Variants in AGO1 observed in about 807,000 individuals in gnomAD.
The protein encoded by AGO1 is protein argonaute-1.
Under a neutral mutation model 109.2 loss-of-function variants are expected in AGO1, and 11 were observed. The observed-to-expected ratio is 0.10, with a 90% CI of 0.06 to 0.17. AGO1 has a LOEUF of 0.17. AGO1 is among the 10% of genes least tolerant of loss of function. The pLI is 1.00. For missense variants in AGO1, 574 were observed against 1,140.3 expected (o/e 0.50, Z 7.15); for synonymous variants, 422 against 418.6 (o/e 1.01, Z -0.10).
At chr1:35,907,422 C>G (rs1194333550) in intron 12 of AGO1, among the ~76,000 whole-genome samples, 3 of 151,932 alleles carry the variant, frequency 2.0e-5, no homozygotes, top group African/African-American at 7.3e-5. Context: ...CTTAGGAGTG[C>G]GTTCCTGTCC....
rs1645900937 is a variant in AGO1 at position 35,924,999 on chromosome 1, A to G, written c.*5392A>G. The stretch of plus-strand genomic sequence containing the variant: ...TTAGAAAAAGAGAAGAGAAACTAGT[A>G]TACAGCCCCCTAAGAAACTCAATTT... On this transcript the variant is annotated 3_prime_UTR_variant, in exon 19 of 19. Coordinates refer to ENST00000373204, the MANE Select transcript of AGO1 (RefSeq NM_012199.5). 1 of 152,132 alleles carries G rather than the reference A, an allele frequency of 6.6e-6. No homozygotes were observed. Among genetic ancestry groups the G allele is most frequent in the Admixed American group, 6.5e-5 (1 of 15,282 alleles). 9.4% of individuals were successfully genotyped at this position (152,132 alleles called of 1,614,324 possible).
intron 11 of AGO1, among the ~76,000 whole-genome samples, 188 bp downstream of exon 11, chr1:35,902,525 G>A (rs1365520744): frequency 1.3e-5 from 2 of 152,116 alleles, no homozygotes; most frequent in African/African-American, 4.8e-5. Flanking sequence ...AAGTTAATAA[G>A]GAGCCATATC....
In AGO1 at chr1:35,901,843, C is replaced by T. The variant is rs1030380231; in HGVS notation, c.1141-105C>T. On this transcript the variant is annotated intron_variant, in intron 9 of 18. Coordinates refer to ENST00000373204, the MANE Select transcript of AGO1 (RefSeq NM_012199.5). This position sits in a 1 kb window ranked among gnomAD's most constrained non-coding sequence, Gnocchi z 4.8. ...TTTCTCTCTCTTTTTAGGACTATTC[C>T]GTACCAACCCCAGCTTCTCCTTAGG... The T allele has an allele frequency of 2.6e-5, 38 of 1,476,970 alleles. No individual in the cohort carries two copies. The highest frequency in any genetic ancestry group is 2.5e-4 in the East Asian group (11 of 43,916). The allele number at this position is 1,476,970 out of a possible 1,614,324, so 91.5% of individuals were successfully genotyped here.
intron 1 of AGO1, among the ~76,000 whole-genome samples, chr1:35,878,152 C>T (rs977258630): frequency 2.6e-5 from 4 of 151,880 alleles, no homozygotes; most frequent in East Asian, 1.9e-4. Context: ...GGTGCAGTCT[C>T]GGCTTATTGC....
rs1646002562 is a variant in AGO1 at position 35,929,935 on chromosome 1, C to A, written c.*10328C>A. The A allele has an allele frequency of 6.6e-6, 1 of 151,976 alleles. No individual in the cohort carries two copies. The highest frequency in any genetic ancestry group is 2.1e-4 in the South Asian group (1 of 4,806). 9.4% of individuals were successfully genotyped at this position (151,976 alleles called of 1,614,324 possible). A position where few individuals can be genotyped will look rare whatever the true frequency, so the allele number is the denominator to read the frequency against. The stretch of plus-strand genomic sequence containing the variant: ...GCCCAGAGAGATCAAGTGACTGATC[C>A]AAAGTCCCACAGTGAGGGGAACTGA... On this transcript the variant is annotated 3_prime_UTR_variant, in exon 19 of 19. Transcript: ENST00000373204.
chr1:35,895,980 C>T (rs575029540), intron 8 of AGO1, among the ~76,000 whole-genome samples: 1 of 152,112 alleles, frequency 6.6e-6, no homozygotes, highest in Non-Finnish European at 1.5e-5. Context: ...TTTCAGATTC[C>T]ACCCATACCG....
At chr1:35,917,534 T>C (rs1174337866) in intron 15 of AGO1, 59 bp from the exon 16 acceptor site, 1 of 1,570,828 alleles carries the variant, frequency 6.4e-7, no homozygotes, top group Non-Finnish European at 8.7e-7. Context: ...CAGAAGGGTA[T>C]GTGAACTCAA....
intron 1 of AGO1, among the ~76,000 whole-genome samples, chr1:35,877,247 C>T (rs951435099): frequency 6.6e-6 from 1 of 152,162 alleles, no homozygotes; most frequent in Non-Finnish European, 1.5e-5. Flanking sequence ...GGGCAGATTT[C>T]GTGATGGTAT....
chr1:35,918,531 C>A, intron 17 of AGO1, 108 bp downstream of exon 17: 1 of 952,462 alleles, frequency 1.0e-6, no homozygotes, highest in South Asian at 1.3e-5. Flanking sequence ...ATTAGGATTG[C>A]TCTCTTTTCT....
In AGO1 at chr1:35,893,043, T is replaced by G; in HGVS notation, c.331-54T>G. On this transcript the variant is annotated intron_variant, in intron 3 of 18. Coordinates refer to ENST00000373204, the MANE Select transcript of AGO1 (RefSeq NM_012199.5). This position sits in a 1 kb window ranked among gnomAD's most constrained non-coding sequence, Gnocchi z 5.6. Reference sequence around the variant, plus strand: ...CTCAGCAAATCCATGGAGTTGGGGGTCATTCTCGCAGAGCAATGGCAATCC... The same window carrying G: ...CTCAGCAAATCCATGGAGTTGGGGGGCATTCTCGCAGAGCAATGGCAATCC... The G allele has an allele frequency of 6.6e-7, 1 of 1,518,418 alleles. No homozygotes were observed. The highest frequency in any genetic ancestry group is 2.3e-5 in the East Asian group (1 of 43,574). 94.1% of individuals were successfully genotyped at this position (1,518,418 alleles called of 1,614,324 possible). A position where few individuals can be genotyped will look rare whatever the true frequency, so the allele number is the denominator to read the frequency against.
intron 2 of AGO1, among the ~76,000 whole-genome samples, chr1:35,892,011 G>A (rs1370991432): frequency 6.6e-6 from 1 of 152,154 alleles, no homozygotes; most frequent in South Asian, 2.1e-4. Flanking sequence ...CCAAACAACT[G>A]GGATTATAGG....
Position 35,920,397 on chromosome 1 carries a change from G to A in AGO1, c.*790G>A, listed in dbSNP as rs1645810043. 1 of 152,284 alleles carries A rather than the reference G, an allele frequency of 6.6e-6. No homozygotes were observed. The highest frequency in any genetic ancestry group is 2.1e-4 in the South Asian group (1 of 4,814). 9.4% of individuals were successfully genotyped at this position (152,284 alleles called of 1,614,324 possible). A position where few individuals can be genotyped will look rare whatever the true frequency, so the allele number is the denominator to read the frequency against. On this transcript the variant is annotated 3_prime_UTR_variant, in exon 19 of 19. Coordinates refer to ENST00000373204, the MANE Select transcript of AGO1 (RefSeq NM_012199.5). ...GGTAACCAGTGCCTTCCCTGTAACG[G>A]TAATGCTGCAGAACTGCAACCTTTT...
In AGO1 at chr1:35,888,336, T is replaced by C. The variant is rs1191069502; in HGVS notation, c.26-91T>C. ...GAAAGAGGCATTCTCTATACTCTCG[T>C]GTTCCTGTTCTGGGAGGCCTTGTTC... On this transcript the variant is annotated intron_variant, in intron 1 of 18. Coordinates refer to ENST00000373204, the MANE Select transcript of AGO1 (RefSeq NM_012199.5). The surrounding 1 kb of genome is among the most constrained non-coding windows in gnomAD (Gnocchi z 4.1). 4.4e-6 allele frequency: 6 copies of C among 1,353,522 alleles called. No individual in the cohort carries two copies. The highest frequency in any genetic ancestry group is 6.2e-6 in the Non-Finnish European group (6 of 970,686). 83.8% of individuals were successfully genotyped at this position (1,353,522 alleles called of 1,614,324 possible).
intron 7 of AGO1, among the ~76,000 whole-genome samples, chr1:35,894,864 C>T (rs1645290266): frequency 6.6e-6 from 1 of 152,156 alleles, no homozygotes; most frequent in Non-Finnish European, 1.5e-5. Context: ...AGATAGTGTC[C>T]TGACTTCTGA....
intron 1 of AGO1, among the ~76,000 whole-genome samples, chr1:35,872,071 GAAAA>G (rs1303552763): frequency 2.5e-5 from 2 of 78,790 alleles, no homozygotes; most frequent in Non-Finnish European, 2.7e-5. Context: ...CTCCATCTCA[GAAAA>G]AAAAAAAAAA....
chr1:35,879,565 C>T (rs1645018750), upstream of AGO1, among the ~76,000 whole-genome samples: 1 of 151,624 alleles, frequency 6.6e-6, no homozygotes, highest in Non-Finnish European at 1.5e-5. Flanking sequence ...TGAGACCAGC[C>T]TGGCCAACAT....
chr1:35,914,795 C>T (rs1184726235), intron 14 of AGO1, among the ~76,000 whole-genome samples: 1 of 152,190 alleles, frequency 6.6e-6, no homozygotes, highest in African/African-American at 2.4e-5. Context: ...GCACACTGGT[C>T]TTAACCTCAG....
chr1:35,888,472 C>T lies in AGO1; in HGVS notation c.71C>T (p.Pro24Leu), dbSNP rs1645156617. 1 of 1,614,210 alleles carries T rather than the reference C, an allele frequency of 6.2e-7. No individual in the cohort carries two copies. Among genetic ancestry groups the T allele is most frequent in the Non-Finnish European group, 8.5e-7 (1 of 1,180,028 alleles). The change falls in exon 2 of 19, where the codon CCT (proline) becomes CTT (leucine). Residue 24 changes from proline to leucine, a missense_variant. Pro to Leu is a moderately conservative substitution (Grantham distance 98, BLOSUM62 -3). Coordinates refer to ENST00000373204, the MANE Select transcript of AGO1 (RefSeq NM_012199.5). This position sits in a 1 kb window ranked among gnomAD's most constrained non-coding sequence, Gnocchi z 4.1. The stretch of plus-strand genomic sequence containing the variant: ...CCCCTGCAGCAGGTGTTCCAGGCAC[C>T]TCGCCGGCCTGGCATTGGCACTGTG... Reference protein sequence around the residue: ...LPPLQQVFQAPRRPGIGTVGK... With the variant: ...LPPLQQVFQALRRPGIGTVGK...
intron 1 of AGO1, among the ~76,000 whole-genome samples, chr1:35,877,131 A>G (rs1443578725): frequency 6.6e-6 from 1 of 152,134 alleles, no homozygotes; most frequent in Non-Finnish European, 1.5e-5. Context: ...GTTCGGTTTC[A>G]GGCTGGGTGA....
Sources: allele counts gnomAD v4.1 joint callset (sites outside exome capture counted in the v4.1 genomes callset), GRCh38; gene constraint gnomAD v4.1.1; non-coding constraint Gnocchi (gnomAD v3.1); transcripts MANE v1.5; gene names NCBI Gene and HGNC (gene_info 2026-07-23, HGNC 2026-07-21).